Variants in SYS1 observed in about 807,000 individuals in gnomAD.
The protein encoded by SYS1 is SYS1 golgi trafficking protein.
Under a neutral mutation model 17.8 loss-of-function variants are expected in SYS1, and 8 were observed. The ratio of observed to expected loss-of-function variants is 0.45; its 90% CI spans 0.26 to 0.81. The LOEUF is 0.81. Ranked by LOEUF, SYS1 falls within the 40% of genes least tolerant of loss-of-function variation. The probability of loss-of-function intolerance (pLI) is 0.16; values close to 1 mark genes in which losing one functional copy is unlikely to be tolerated. For missense variants in SYS1, 161 were observed against 203.9 expected (o/e 0.79, Z 1.28); for synonymous variants, 95 against 90.9 (o/e 1.05, Z -0.26).
At chr20:45,375,440 T>A (rs1242955955) in exon 4 of SYS1, 2 of 1,614,186 alleles carry the variant, frequency 1.2e-6, no homozygotes, top group Non-Finnish European at 8.5e-7. Flanking sequence ...TACTCTTTTT[T>A]CTTAGGGTCC....
chr20:45,370,882 G>A (rs981044215), downstream of SYS1, among the ~76,000 whole-genome samples: 3 of 152,116 alleles, frequency 2.0e-5, no homozygotes, highest in African/African-American at 4.8e-5. Flanking sequence ...ACTGTCTTAA[G>A]GTTTTCTGTT....
chr20:45,374,636 T>A, exon 4 of SYS1: 1 of 437,092 alleles, frequency 2.3e-6, no homozygotes, highest in South Asian at 4.9e-5. Flanking sequence ...TGAATTGATC[T>A]TAGAGGGAAT....
At chr20:45,363,371 G>A (rs1988285740) in intron 1 of SYS1, 56 bp downstream of exon 1, 18 of 1,430,448 alleles carry the variant, frequency 1.3e-5, no homozygotes, top group Non-Finnish European at 1.6e-5. Context: ...GGCGGAATGG[G>A]CTGGATTTCC....
At position 45,363,604 on chromosome 20, in the gene SYS1, G is replaced by A; in HGVS notation, c.73G>A (p.Val25Met). 6.2e-7 allele frequency: 1 copy of A among 1,603,840 alleles called. No individual in the cohort carries two copies. The change falls in exon 2 of 4, where the codon GTG becomes ATG. Residue 25 changes from valine (V) to methionine (M), a missense_variant. Val to Met is a conservative substitution (Grantham distance 21). Coordinates refer to ENST00000243918, the MANE Select transcript of SYS1 (RefSeq NM_033542.4). ...ILSQIVLMQTVYYGSLGLWLA... is the reference protein window; with the variant it reads ...ILSQIVLMQTMYYGSLGLWLA... The stretch of plus-strand genomic sequence containing the variant: ...GTCGCAGATCGTCCTCATGCAGACC[G>A]TGTATTACGGCTCGCTGGGCCTGTG...
At chr20:45,364,465 CTTT>C (rs386393831) in intron 2 of SYS1, among the ~76,000 whole-genome samples, 1 of 80,130 alleles carries the variant, frequency 1.2e-5, no homozygotes, top group Non-Finnish European at 2.2e-5. Context: ...GAGCACAGTT[CTTT>C]TTTTTTTTTT....
chr20:45,364,692 C>G (rs1288841304), intron 2 of SYS1, among the ~76,000 whole-genome samples: 1 of 151,850 alleles, frequency 6.6e-6, no homozygotes, highest in Admixed American at 6.6e-5. Flanking sequence ...GGGATGGTCT[C>G]GATCTCCTGA....
chr20:45,363,460 T>C lies in SYS1; in HGVS notation c.-3-69T>C, dbSNP rs536763392. Reference sequence around the variant, plus strand: ...GGGCTCACCCCTTGGTTCCAGTCCCTCCTCCCGGGCGGGGCGACGTTGCCA... The same window carrying C: ...GGGCTCACCCCTTGGTTCCAGTCCCCCCTCCCGGGCGGGGCGACGTTGCCA... On this transcript the variant is annotated intron_variant, in intron 1 of 3. Coordinates refer to ENST00000243918, the MANE Select transcript of SYS1 (RefSeq NM_033542.4). 8.6e-6 allele frequency: 13 copies of C among 1,511,268 alleles called. No individual in the cohort carries two copies. The South Asian group carries it at 1.4e-4, about 16-fold the overall frequency. The allele number at this position is 1,511,268 out of a possible 1,614,324, so 93.6% of individuals were successfully genotyped here.
exon 4 of SYS1, chr20:45,375,410 C>T (rs1390293520): frequency 6.2e-7 from 1 of 1,614,162 alleles, no homozygotes; most frequent in South Asian, 1.1e-5. Context: ...CCTGACTGCA[C>T]CTGGGACTTC....
intron 2 of SYS1, 24 bp downstream of exon 2, chr20:45,363,717 G>A: frequency 6.5e-7 from 1 of 1,546,732 alleles, no homozygotes; most frequent in South Asian, 1.2e-5. Context: ...ACTGGGGCGG[G>A]TGGGGTCTCG....
exon 4 of SYS1, chr20:45,374,340 A>C (rs1354714928): frequency 1.5e-6 from 1 of 678,816 alleles, no homozygotes; most frequent in Non-Finnish European, 2.6e-6. Flanking sequence ...TGGCGAAGTC[A>C]CAGCTCACTG....
At position 45,363,291 on chromosome 20, in the gene SYS1, A is replaced by C. The variant is rs946501440; in HGVS notation, c.-28A>C. ...CGGTGAGGCCGGGCCACGCTCAGAC[A>C]CTTCGATCGTCGAGTCTGTCACTGG... On this transcript the variant is annotated 5_prime_UTR_variant, in exon 1 of 4. Coordinates refer to ENST00000243918, the MANE Select transcript of SYS1 (RefSeq NM_033542.4). The C allele has an allele frequency of 6.8e-6, 9 of 1,325,712 alleles. No individual in the cohort carries two copies. The highest frequency in any genetic ancestry group is 8.7e-6 in the Non-Finnish European group (9 of 1,035,034). 82.1% of individuals were successfully genotyped at this position (1,325,712 alleles called of 1,614,324 possible).
chr20:45,371,558 A>C (rs954421361), downstream of SYS1, among the ~76,000 whole-genome samples: 3 of 152,240 alleles, frequency 2.0e-5, no homozygotes, highest in Non-Finnish European at 4.4e-5. Context: ...GATTGGGAGT[A>C]AACAACTTTT....
downstream of SYS1, chr20:45,374,032 G>A: frequency 6.2e-7 from 1 of 1,612,398 alleles, no homozygotes; most frequent in Admixed American, 1.7e-5. Context: ...AAACCTCGGT[G>A]TTAGGCGCTA....
At chr20:45,365,586 T>G (rs1988384128) in intron 2 of SYS1, 33 bp from the exon 3 acceptor site, 1 of 1,609,556 alleles carries the variant, frequency 6.2e-7, no homozygotes, top group African/African-American at 1.3e-5. Context: ...AAGTCACTTC[T>G]CCAGTATATT....
chr20:45,376,242 G>A (rs1988728776), exon 4 of SYS1: 1 of 152,246 alleles, frequency 6.6e-6, no homozygotes, highest in Admixed American at 6.5e-5. Flanking sequence ...CTTTCCCAAA[G>A]GGTGTCTGTA....
downstream of SYS1, chr20:45,373,254 T>G (rs1394237633): frequency 1.3e-5 from 2 of 153,614 alleles, no homozygotes; most frequent in Non-Finnish European, 2.9e-5. Flanking sequence ...GGACCTGCCA[T>G]GTCACCCTGG....
At chr20:45,366,284 A>G (rs1046739089) in intron 3 of SYS1, among the ~76,000 whole-genome samples, 2 of 152,240 alleles carry the variant, frequency 1.3e-5, no homozygotes, top group Non-Finnish European at 2.9e-5. Context: ...TAAGGATTAA[A>G]TAAGTTAATT....
exon 4 of SYS1, chr20:45,374,888 C>A: frequency 1.9e-6 from 2 of 1,068,660 alleles, no homozygotes; most frequent in East Asian, 2.4e-5. Flanking sequence ...AAGGCTTCCC[C>A]CTCTCTGGAC....
At chr20:45,362,302 G>A (rs137969019), upstream of SYS1, among the ~76,000 whole-genome samples, 39 of 152,274 alleles carry the variant, frequency 2.6e-4, no homozygotes, top group East Asian at 7.7e-4. Flanking sequence ...TCCTGCCACC[G>A]AGTAGGTGCG....
Sources: gnomAD v4.1 joint callset for allele counts (sites outside exome capture counted in the v4.1 genomes callset) on GRCh38, gnomAD v4.1.1 for gene constraint, MANE v1.5 for transcripts, NCBI Gene and HGNC (gene_info 2026-07-23, HGNC 2026-07-21) for gene names.